Variants in SIRT3 observed in about 807,000 individuals in gnomAD.
The protein encoded by SIRT3 is NAD-dependent protein deacetylase sirtuin-3, mitochondrial.
Under a neutral mutation model 33.5 loss-of-function variants are expected in SIRT3, and 26 were observed. The observed-to-expected ratio is 0.78, with a 90% CI of 0.57 to 1.08. The LOEUF is 1.08. Ranked by LOEUF, SIRT3 falls within the 50% of genes least tolerant of loss-of-function variation. The probability of loss-of-function intolerance (pLI) is 0.00; values close to 1 mark genes in which losing one functional copy is unlikely to be tolerated. For missense variants in SIRT3, 585 were observed against 530.1 expected, an observed-to-expected ratio of 1.10 and a Z score of -1.02; for synonymous variants, 237 against 222.1, an observed-to-expected ratio of 1.07 and a Z score of -0.60.
In SIRT3 at chr11:236,167, A is replaced by C; in HGVS notation, c.162T>G (p.His54Gln). ...GGTCCAAGGGCTCACCGCGGGCCCC[A>C]TGGCTGCCTCTCAGCCCCGCACTCA... is the stretch of plus-strand genomic sequence containing the variant. Reference protein sequence around the residue: ...DDVSAGLRGSHGARGEPLDPA... With the variant: ...DDVSAGLRGSQGARGEPLDPA... Residue 54 changes from histidine to glutamine, a missense_variant, in exon 1 of 7, where the codon CAT becomes CAG. His to Gln is a conservative substitution (Grantham distance 24). Coordinates refer to ENST00000382743, the MANE Select transcript of SIRT3 (RefSeq NM_012239.6). 6.4e-7 allele frequency: 1 copy of C among 1,566,134 alleles called. No individual in the cohort carries two copies. Among genetic ancestry groups the C allele is most frequent in the Non-Finnish European group, 8.6e-7 (1 of 1,157,774 alleles).
chr11:216,487 T>C lies in SIRT3; in HGVS notation c.*211A>G, dbSNP rs1855660190. On this transcript the variant is annotated 3_prime_UTR_variant, in exon 7 of 7. Transcript: ENST00000382743. ...AACAGGCAGGCAGCTCCTTTGTATATGTGACGGGGTGGCCCTGACTGTAAA... is the reference window on the plus strand; with the variant it reads ...AACAGGCAGGCAGCTCCTTTGTATACGTGACGGGGTGGCCCTGACTGTAAA... 5.1e-6 allele frequency: 3 copies of C among 589,130 alleles called. No individual in the cohort carries two copies. The highest frequency in any genetic ancestry group is 5.7e-5 in the East Asian group (2 of 35,208). 36.5% of individuals were successfully genotyped at this position (589,130 alleles called of 1,614,324 possible).
Position 236,312 on chromosome 11 carries a change from C to T in SIRT3, c.17G>A (p.Trp6Ter). The stretch of plus-strand genomic sequence containing the variant: ...CAGCCGGAGGGCTGCCGCGGCGCGC[C>T]AACCCCAGAACGCCATGTTCCGCGC... The part of the protein sequence containing the change: MAFWG[W>*]RAAAALRLWG... The change falls in exon 1 of 7, where the codon TGG becomes TAG. Residue 6 changes from tryptophan (W) to a stop codon, truncating the protein, a stop_gained. Coordinates refer to ENST00000382743, the MANE Select transcript of SIRT3 (RefSeq NM_012239.6). LOFTEE classifies it high-confidence loss of function. The T allele has an allele frequency of 6.6e-7, 1 of 1,517,250 alleles. No homozygotes were observed. The highest frequency in any genetic ancestry group is 1.2e-5 in the South Asian group (1 of 81,248). 94.0% of individuals were successfully genotyped at this position (1,517,250 alleles called of 1,614,324 possible).
chr11:227,619 CTTAT>C (rs964284768), intron 4 of SIRT3, among the ~76,000 whole-genome samples: 5 of 151,892 alleles, frequency 3.3e-5, no homozygotes, highest in Non-Finnish European at 2.9e-5. Context: ...ATTTTATTCT[CTTAT>C]TTATTTATTT....
Position 223,365 on chromosome 11 carries a change from G to A in SIRT3, c.969+713C>T, listed in dbSNP as rs182701576. 3.8e-5 allele frequency: 8 copies of A among 212,118 alleles called. No homozygotes were observed. Among genetic ancestry groups the A allele is most frequent in the Admixed American group, 1.6e-4 (3 of 18,932 alleles). 13.1% of individuals were successfully genotyped at this position (212,118 alleles called of 1,614,324 possible). A position where few individuals can be genotyped will look rare whatever the true frequency, so the allele number is the denominator to read the frequency against. On this transcript the variant is annotated intron_variant, in intron 5 of 6. Coordinates refer to ENST00000382743, the MANE Select transcript of SIRT3 (RefSeq NM_012239.6). The surrounding 1 kb of genome is among the most constrained non-coding windows in gnomAD (Gnocchi z 4.8). ...ACCAAGCCAGACGCCTCCTTCTCAC[G>A]TCCCCAAAACATCACAGACTGCGAG... is the stretch of plus-strand genomic sequence containing the variant.
chr11:236,807 CTT>C (rs1859224945), upstream of SIRT3: 16 of 569,468 alleles, frequency 2.8e-5, no homozygotes, highest in Non-Finnish European at 4.7e-5. Flanking sequence ...CGCCCACACT[CTT>C]TGACGCCTCA....
At chr11:217,858 C>G (rs944611645) in intron 6 of SIRT3, among the ~76,000 whole-genome samples, 1 of 152,234 alleles carries the variant, frequency 6.6e-6, no homozygotes, top group African/African-American at 2.4e-5. Flanking sequence ...TAATCATCCC[C>G]ATGTGTCAAG....
At chr11:227,352 C>T (rs56931346) in intron 4 of SIRT3, among the ~76,000 whole-genome samples, 4 of 151,584 alleles carry the variant, frequency 2.6e-5, no homozygotes, top group South Asian at 2.1e-4. Context: ...GCAAGAGAAT[C>T]GCTTGAACCT....
chr11:235,930 G>T lies in SIRT3; in HGVS notation c.281+118C>A. 5 of 1,141,276 alleles carry T rather than the reference G, an allele frequency of 4.4e-6. No homozygotes were observed. In the South Asian group the frequency reaches 5.3e-5, roughly 12 times the overall value. 70.7% of individuals were successfully genotyped at this position (1,141,276 alleles called of 1,614,324 possible). ...GATCAGCATAAAGACGGAGGCCCCG[G>T]TGTTGGAACGCACGTAAACTCCCAG... is the stretch of plus-strand genomic sequence containing the variant. On this transcript the variant is annotated intron_variant, in intron 1 of 6. Transcript: ENST00000382743.
At position 233,487 on chromosome 11, in the gene SIRT3, C is replaced by G; in HGVS notation, c.329G>C (p.Ser110Thr). The G allele has an allele frequency of 6.2e-7, 1 of 1,614,178 alleles. No homozygotes were observed. Among genetic ancestry groups the G allele is most frequent in the South Asian group, 1.1e-5 (1 of 91,076 alleles). Residue 110 changes from serine to threonine, a missense_variant, in exon 2 of 7, where the codon AGT (serine) becomes ACT (threonine). Physicochemically the swap from Ser to Thr is moderately conservative, Grantham distance 58. Coordinates refer to ENST00000382743, the MANE Select transcript of SIRT3 (RefSeq NM_012239.6). The stretch of plus-strand genomic sequence containing the variant: ...ACTGCTGCCTCCACTTCCAACAACA[C>G]TTGAAGCACCCACAGAAAAAGATAT... ...RSISFSVGASSVVGSGGSSDK... is the reference protein window; with the variant it reads ...RSISFSVGASTVVGSGGSSDK...
At chr11:234,216 T>C (rs1858541651) in intron 1 of SIRT3, among the ~76,000 whole-genome samples, 1 of 152,208 alleles carries the variant, frequency 6.6e-6, no homozygotes, top group African/African-American at 2.4e-5. Context: ...GGTGTGAAAT[T>C]CACTGGGAGT....
chr11:226,920 A>C (rs1857254625), intron 4 of SIRT3, among the ~76,000 whole-genome samples: 1 of 147,234 alleles, frequency 6.8e-6, no homozygotes, highest in Non-Finnish European at 1.5e-5. Flanking sequence ...CGCCCGGCTA[A>C]TTTTGTATTT....
At position 215,921 on chromosome 11, in the gene SIRT3, A is replaced by C. The variant is rs1855598307; in HGVS notation, c.*777T>G. On this transcript the variant is annotated 3_prime_UTR_variant, in exon 7 of 7. Transcript: ENST00000382743. The stretch of plus-strand genomic sequence containing the variant: ...GGGGGGGCGTAGTGTGGGGACAAGG[A>C]GGCCAGATAGAAAGTGCTGGAATGT... 6.6e-6 allele frequency: 1 copy of C among 152,246 alleles called. No homozygotes were observed. Among genetic ancestry groups the C allele is most frequent in the Non-Finnish European group, 1.5e-5 (1 of 68,116 alleles). 9.4% of individuals were successfully genotyped at this position (152,246 alleles called of 1,614,324 possible).
At chr11:235,788 G>A (rs1037935117) in intron 1 of SIRT3, among the ~76,000 whole-genome samples, 4 of 152,184 alleles carry the variant, frequency 2.6e-5, no homozygotes, top group African/African-American at 9.7e-5. Context: ...TATGCAAACA[G>A]TGAGGTGCCA....
intron 1 of SIRT3, among the ~76,000 whole-genome samples, chr11:235,733 T>G (rs978722843): frequency 6.6e-6 from 1 of 152,332 alleles, no homozygotes; most frequent in African/African-American, 2.4e-5. Context: ...ATTAAAGCGT[T>G]AAATGCATAT....
At chr11:227,732 C>A (rs1422994225) in intron 4 of SIRT3, among the ~76,000 whole-genome samples, 2 of 152,070 alleles carry the variant, frequency 1.3e-5, no homozygotes, top group Non-Finnish European at 2.9e-5. Flanking sequence ...TCAAGCAATT[C>A]TTCTGCCTCA....
intron 1 of SIRT3, among the ~76,000 whole-genome samples, chr11:235,687 G>A (rs74044920): frequency 6.6e-6 from 1 of 152,148 alleles, no homozygotes. Context: ...TCACATGCCA[G>A]TGGGAGTATT....
chr11:227,368 G>A (rs1227286633), intron 4 of SIRT3, among the ~76,000 whole-genome samples: 2 of 151,502 alleles, frequency 1.3e-5, no homozygotes, highest in Non-Finnish European at 2.9e-5. Context: ...AACCTGAGAG[G>A]GGGAGGTTGC....
intron 4 of SIRT3, chr11:225,628 A>G (rs1341640593): frequency 6.6e-6 from 1 of 152,202 alleles, no homozygotes; most frequent in Non-Finnish European, 1.5e-5. Flanking sequence ...ACCTTATAAC[A>G]GAATACAATA....
chr11:223,841 T>G lies in SIRT3; in HGVS notation c.969+237A>C. The G allele has an allele frequency of 1.7e-6, 1 of 594,064 alleles. No homozygotes were observed. The highest frequency in any genetic ancestry group is 3.1e-6 in the Non-Finnish European group (1 of 322,656). The allele number at this position is 594,064 out of a possible 1,614,324, so 36.8% of individuals were successfully genotyped here. A position where few individuals can be genotyped will look rare whatever the true frequency, so the allele number is the denominator to read the frequency against. ...TTCCCCTGCCCTCCAGCCTCCTCCC[T>G]GCACAGGCCTGCCGACAGCCCATGA... On this transcript the variant is annotated intron_variant, in intron 5 of 6. Transcript: ENST00000382743. The surrounding 1 kb of genome is among the most constrained non-coding windows in gnomAD (Gnocchi z 4.8).
Sources: gnomAD v4.1 joint callset for allele counts (sites outside exome capture counted in the v4.1 genomes callset) on GRCh38, gnomAD v4.1.1 for gene constraint, Gnocchi (gnomAD v3.1) non-coding constraint, MANE v1.5 for transcripts, NCBI Gene and HGNC (gene_info 2026-07-23, HGNC 2026-07-21) for gene names.